RFC5: variants seen among roughly 807,000 people sequenced by gnomAD.
RFC5 encodes the protein replication factor C subunit 5.
Under a neutral mutation model 44.3 loss-of-function variants are expected in RFC5, and 26 were observed. The ratio of observed to expected loss-of-function variants is 0.59; its 90% CI spans 0.43 to 0.81. The LOEUF is 0.81. Ranked by LOEUF, RFC5 falls within the 40% of genes least tolerant of loss-of-function variation. RFC5 has a pLI of 0.00. For synonymous variants in RFC5, 155 were observed against 155.2 expected (o/e 1.00, Z 0.01); for missense variants, 328 against 418.6 (o/e 0.78, Z 1.89).
intron 9 of RFC5, among the ~76,000 whole-genome samples, chr12:118,028,418 G>A (rs1351000709): frequency 6.6e-6 from 1 of 151,680 alleles, no homozygotes; most frequent in East Asian, 1.9e-4. Context: ...CTGGGAGGTG[G>A]AGGTTGCAGT....
intron 5 of RFC5, among the ~76,000 whole-genome samples, chr12:118,023,756 A>G (rs2137712559): frequency 6.6e-6 from 1 of 152,130 alleles, no homozygotes; most frequent in Non-Finnish European, 1.5e-5. Context: ...CTCCCTGCCC[A>G]TAGAAGGTGA....
At chr12:118,018,970 A>AT in intron 1 of RFC5, 102 bp from the exon 2 acceptor site, 1 of 871,740 alleles carries the variant, frequency 1.1e-6, no homozygotes, top group Admixed American at 1.9e-5. Context: ...AAGTGCTGGG[A>AT]TTACAGGCAT....
chr12:118,038,386 T>C, the RFC5 span: 1 of 1,613,740 alleles, frequency 6.2e-7, no homozygotes, highest in African/African-American at 1.3e-5. Flanking sequence ...TGAATCTGTT[T>C]ACCTGGCAGG....
intron 4 of RFC5, among the ~76,000 whole-genome samples, chr12:118,021,992 G>A (rs1375168356): frequency 6.6e-6 from 1 of 152,134 alleles, no homozygotes; most frequent in Non-Finnish European, 1.5e-5. Flanking sequence ...TCAGGCATGA[G>A]TGAGGGAGAC....
chr12:118,031,020 G>A (rs569102905), intron 10 of RFC5, among the ~76,000 whole-genome samples, 162 bp from the exon 11 acceptor site: 9 of 152,264 alleles, frequency 5.9e-5, no homozygotes, highest in African/African-American at 1.9e-4. Flanking sequence ...AGAAGAAAAT[G>A]TTAGGGGGAC....
chr12:118,028,028 G>T lies in RFC5; in HGVS notation c.869G>T (p.Arg290Ile). The T allele has an allele frequency of 1.3e-6, 2 of 1,596,094 alleles. No homozygotes were observed. The stretch of plus-strand genomic sequence containing the variant: ...ACAGAGATACACTTGTTTGTGCATA[G>T]AGGTAACTTACATTATCCCCCAGCT... ...ILTEIHLFVH[R>I]VDFPSSVRIH... The change falls in exon 9 of 11, where the codon AGA becomes ATA. Residue 290 changes from arginine to isoleucine, a missense_variant and splice_region_variant. By Grantham distance (97) the Arg-to-Ile change is moderately conservative (BLOSUM62 -3). Transcript: ENST00000454402.
downstream of RFC5, chr12:118,033,851 C>T (rs914479209): frequency 3.5e-6 from 1 of 281,852 alleles, no homozygotes; most frequent in Non-Finnish European, 6.9e-6. Flanking sequence ...TAGAGAGGCT[C>T]TGGAGGCCTA....
At chr12:118,036,492 T>C, downstream of RFC5, 1 of 1,613,174 alleles carries the variant, frequency 6.2e-7, no homozygotes, top group Non-Finnish European at 8.5e-7. Flanking sequence ...GTGTAGGACC[T>C]CATGCTCCAT....
intron 4 of RFC5, among the ~76,000 whole-genome samples, chr12:118,021,800 T>C (rs1046151380): frequency 1.3e-5 from 2 of 151,692 alleles, no homozygotes; most frequent in East Asian, 3.9e-4. Flanking sequence ...CTACTAAAAA[T>C]ACAAAAATTA....
intron 5 of RFC5, among the ~76,000 whole-genome samples, chr12:118,023,676 G>A (rs76436865): frequency 1.6e-4 from 25 of 152,088 alleles, no homozygotes; most frequent in African/African-American, 5.8e-4. Context: ...CTCTTTGTTC[G>A]GGTTATTGCT....
intron 4 of RFC5, among the ~76,000 whole-genome samples, chr12:118,022,082 G>T (rs2030539325): frequency 6.6e-6 from 1 of 152,176 alleles, no homozygotes; most frequent in South Asian, 2.1e-4. Context: ...AAGTAGAGAA[G>T]TCTCCTCCAT....
chr12:118,020,896 C>G lies in RFC5; in HGVS notation c.268-10C>G. 1 of 1,596,180 alleles carries G rather than the reference C, an allele frequency of 6.3e-7. No homozygotes were observed. The highest frequency in any genetic ancestry group is 8.6e-7 in the Non-Finnish European group (1 of 1,164,944). On this transcript the variant is annotated splice_polypyrimidine_tract_variant and intron_variant, in intron 3 of 10. Transcript: ENST00000454402. ...TGGTTTTTGTTTTGTCTTCTGTCTT[C>G]CACATTTAGCTGAATGCTTCAGATG...
At chr12:118,036,466 T>C, downstream of RFC5, 1 of 1,614,170 alleles carries the variant, frequency 6.2e-7, no homozygotes. Context: ...GATGGCCCTC[T>C]AGCTTCCGAA....
chr12:118,022,625 C>T (rs147579547), intron 5 of RFC5, among the ~76,000 whole-genome samples: 4,832 of 151,950 alleles, frequency 0.032, 260 homozygotes, highest in African/African-American at 0.11. Flanking sequence ...CCACCACACC[C>T]GGCTGATTTT....
downstream of RFC5, chr12:118,036,482 G>A (rs765927222): frequency 4.8e-5 from 77 of 1,613,800 alleles, no homozygotes; most frequent in Admixed American, 6.0e-4. Flanking sequence ...CCGAATTAAC[G>A]TGTAGGACCT....
At chr12:118,028,273 C>G (rs554167875) in intron 9 of RFC5, among the ~76,000 whole-genome samples, 1 of 152,244 alleles carries the variant, frequency 6.6e-6, no homozygotes, top group African/African-American at 2.4e-5. Context: ...CACCTGAGGT[C>G]AGGAGTTGAA....
rs554130892 is a variant in RFC5, at chr12:118,028,851, G to A, written c.871+821G>A. ...TCCAGACAAATTAAGTCAGCTTCTC[G>A]GAGGACAACCAGGCATCCGTATTCT... On this transcript the variant is annotated intron_variant, in intron 9 of 10. Coordinates refer to ENST00000454402, the MANE Select transcript of RFC5 (RefSeq NM_007370.7). 9.9e-5 allele frequency among the ~76,000 whole-genome samples: 15 copies of A among 152,250 alleles called. No homozygotes were observed. The East Asian group carries it at 2.7e-3, about 27-fold the overall frequency.
At chr12:118,026,825 C>T (rs918494519) in intron 7 of RFC5, 64 bp from the exon 8 acceptor site, 2 of 1,569,688 alleles carry the variant, frequency 1.3e-6, no homozygotes, top group Admixed American at 1.8e-5. Context: ...TTCTTGGCTC[C>T]CTGCAGCTTG....
chr12:118,018,852 T>C (rs2030288428), intron 1 of RFC5, among the ~76,000 whole-genome samples: 1 of 152,128 alleles, frequency 6.6e-6, no homozygotes, highest in South Asian at 2.1e-4. Context: ...TGTTCTATCC[T>C]TACAAAGACC....
Sources: allele counts gnomAD v4.1 joint callset (sites outside exome capture counted in the v4.1 genomes callset), GRCh38; gene constraint gnomAD v4.1.1; transcripts MANE v1.5; gene names NCBI Gene and HGNC (gene_info 2026-07-23, HGNC 2026-07-21).